The following RYR2 variants were observed in gnomAD, a reference collection of about 807,000 sequenced individuals.
RYR2 encodes cardiac muscle ryanodine receptor-calcium release channel.
A neutral mutation model predicts 601.1 loss-of-function variants in RYR2; 227 were observed. The observed-to-expected ratio is 0.38, with a 90% confidence interval of 0.34 to 0.42. The LOEUF is 0.42. Among genes scored for constraint, RYR2 ranks in the 10% least tolerant of loss-of-function variants. The pLI is 1.00. For missense variants in RYR2, 4,646 were observed against 6,156.5 expected (o/e 0.75, Z 8.21); for synonymous variants, 2,223 against 2,175.1 (o/e 1.02, Z -0.61).
chr1:237,724,626 A>G (rs58583229), intron 74 of RYR2, among the ~76,000 whole-genome samples: 1 of 152,100 alleles, frequency 6.6e-6, no homozygotes, highest in African/African-American at 2.4e-5. Context: ...ATATTAAATA[A>G]ATACAAATTA....
In RYR2 at chr1:237,614,097, A is replaced by G; in HGVS notation, c.4969A>G (p.Thr1657Ala). Residue 1657 changes from threonine to alanine, a missense_variant, in exon 37 of 105, where the codon ACT becomes GCT. Physicochemically the swap from Thr to Ala is moderately conservative, Grantham distance 58. This residue lies in a region of RYR2 where 1,807 missense variants were observed against 2,088.1 expected (regional missense o/e 0.87). Transcript: ENST00000366574. The surrounding 1 kb of genome is among the most constrained non-coding windows in gnomAD (Gnocchi z 4.3). ...QEELLKFHYH[T>A]LRLYSAVCAL... ...GGAATTGCTGAAATTTCACTATCAC[A>G]CTCTCCGGCTCTACTCAGCCGTCTG... 2 of 1,613,460 alleles carry G rather than the reference A, an allele frequency of 1.2e-6. No homozygotes were observed. Among genetic ancestry groups the G allele is most frequent in the Non-Finnish European group, 1.7e-6 (2 of 1,179,782 alleles).
chr1:237,066,870 C>T (rs1663695851), intron 1 of RYR2, among the ~76,000 whole-genome samples: 1 of 152,092 alleles, frequency 6.6e-6, no homozygotes, highest in Non-Finnish European at 1.5e-5. Context: ...ATCTCCTGAC[C>T]TCGCAATCCG....
intron 17 of RYR2, among the ~76,000 whole-genome samples, chr1:237,483,494 ACTAGGCACAT>A (rs1240288722): frequency 6.6e-6 from 1 of 152,146 alleles, no homozygotes; most frequent in Admixed American, 6.5e-5. Context: ...AGGACACAAA[ACTAGGCACAT>A]CGGCTTACAT....
intron 1 of RYR2, among the ~76,000 whole-genome samples, chr1:237,192,312 G>A (rs1374298935): frequency 6.6e-6 from 1 of 152,080 alleles, no homozygotes; most frequent in Admixed American, 6.6e-5. Context: ...GGGTTCAAGC[G>A]ATTCTCCTGC....
intron 1 of RYR2, chr1:237,267,642 C>T (rs1245813101): frequency 7.1e-6 from 2 of 280,724 alleles, no homozygotes; most frequent in South Asian, 2.7e-5. Context: ...AAGTGTGGCT[C>T]ATATTGAGAG....
At chr1:237,045,578 T>G (rs1233834547) in intron 1 of RYR2, among the ~76,000 whole-genome samples, 1 of 152,218 alleles carries the variant, frequency 6.6e-6, no homozygotes, top group Admixed American at 6.5e-5. Flanking sequence ...CTGGATATGC[T>G]GGGACACTTA....
intron 1 of RYR2, among the ~76,000 whole-genome samples, chr1:237,256,965 C>CA (rs1259631044): frequency 6.6e-6 from 1 of 152,178 alleles, no homozygotes; most frequent in Non-Finnish European, 1.5e-5. Context: ...CTCCTCCATT[C>CA]AAACCAATTT....
intron 29 of RYR2, among the ~76,000 whole-genome samples, chr1:237,580,970 A>G (rs1203299210): frequency 2.0e-5 from 3 of 152,152 alleles, no homozygotes; most frequent in Admixed American, 2.0e-4. Context: ...GGTTTAAGTC[A>G]CTCAGTCTGT....
At chr1:237,800,245 G>A (rs1659802955) in intron 97 of RYR2, among the ~76,000 whole-genome samples, 1 of 152,082 alleles carries the variant, frequency 6.6e-6, no homozygotes, top group Admixed American at 6.5e-5. Flanking sequence ...TTGCTTTAAT[G>A]TAAAATAATT....
chr1:237,313,679 T>G (rs1376939545), intron 2 of RYR2, among the ~76,000 whole-genome samples: 1 of 152,244 alleles, frequency 6.6e-6, no homozygotes, highest in Non-Finnish European at 1.5e-5. Flanking sequence ...AAGCCACTGT[T>G]CATGGTAACT....
In RYR2 at chr1:237,383,820, C is replaced by T. The variant is rs1218469338; in HGVS notation, c.577-3461C>T. ...ACTAGTCCTGGGATCAAAGTGAGAC[C>T]CGGGTGCCCAGAGATTGGTGCCCAA... On this transcript the variant is annotated intron_variant, in intron 8 of 104. Transcript: ENST00000366574. Among the ~76,000 whole-genome samples the T allele has an allele frequency of 2.0e-5, 3 of 152,030 alleles. No individual in the cohort carries two copies. In the East Asian group the frequency reaches 5.8e-4, roughly 29 times the overall value.
chr1:237,418,256 A>G (rs1705211259), intron 11 of RYR2, among the ~76,000 whole-genome samples: 1 of 152,050 alleles, frequency 6.6e-6, no homozygotes, highest in South Asian at 2.1e-4. Flanking sequence ...GTTAGCCAGG[A>G]TGGTCTCGAT....
chr1:237,508,781 C>A (rs1336676318), intron 23 of RYR2, among the ~76,000 whole-genome samples: 5 of 125,878 alleles, frequency 4.0e-5, no homozygotes, highest in African/African-American at 1.3e-4. Flanking sequence ...CTTGCTCTGT[C>A]GCCCAGGCTG....
intron 1 of RYR2, among the ~76,000 whole-genome samples, chr1:237,213,859 T>C (rs532981497): frequency 4.0e-5 from 6 of 151,566 alleles, no homozygotes; most frequent in South Asian, 4.2e-4. Context: ...AATTTTTTTT[T>C]CCCCAAGTTG....
chr1:237,433,344 C>T (rs1417346954), intron 12 of RYR2, among the ~76,000 whole-genome samples: 3 of 43,634 alleles, frequency 6.9e-5, no homozygotes, highest in East Asian at 0.021. Flanking sequence ...ATTGATAGTG[C>T]TGATTATATT....
At chr1:237,534,297 TA>T (rs1321012913) in intron 25 of RYR2, among the ~76,000 whole-genome samples, 3 of 151,970 alleles carry the variant, frequency 2.0e-5, no homozygotes, top group African/African-American at 4.8e-5. Flanking sequence ...ATACACCAAG[TA>T]AAACAGCTTC....
chr1:237,192,285 T>C (rs888992020), intron 1 of RYR2, among the ~76,000 whole-genome samples: 3 of 152,192 alleles, frequency 2.0e-5, no homozygotes, highest in Non-Finnish European at 2.9e-5. Context: ...CTTGGTTCAC[T>C]GCAACCTCCG....
rs769728229 is a variant in RYR2, at chr1:237,660,067, C to G, written c.8291C>G (p.Ser2764Cys). 1 of 1,524,820 alleles carries G rather than the reference C, an allele frequency of 6.6e-7. No homozygotes were observed. The highest frequency in any genetic ancestry group is 2.4e-5 in the East Asian group (1 of 41,020). The allele number at this position is 1,524,820 out of a possible 1,614,324, so 94.5% of individuals were successfully genotyped here. The stretch of plus-strand genomic sequence containing the variant: ...TTAATGAAGCCATATAAGCTATTGT[C>G]TGAAAAGGTAAGGATTTTTTGTTTG... Reference protein sequence around the residue: ...QPLMKPYKLLSEKEKEIYRWP... With the variant: ...QPLMKPYKLLCEKEKEIYRWP... Residue 2764 changes from serine (S) to cysteine (C), a missense_variant, in exon 55 of 105, where the codon TCT becomes TGT. By Grantham distance (112) the Ser-to-Cys change is moderately radical. Coordinates refer to ENST00000366574, the MANE Select transcript of RYR2 (RefSeq NM_001035.3).
At chr1:237,597,812 G>A (rs2148487759) in intron 34 of RYR2, among the ~76,000 whole-genome samples, 1 of 152,146 alleles carries the variant, frequency 6.6e-6, no homozygotes, top group African/African-American at 2.4e-5. Context: ...CAAAATATTA[G>A]GAATAATTCC....
Sources: allele counts gnomAD v4.1 joint callset (sites outside exome capture counted in the v4.1 genomes callset), GRCh38; gene constraint gnomAD v4.1.1; regional missense constraint gnomAD v4.1.1; non-coding constraint Gnocchi (gnomAD v3.1); transcripts MANE v1.5; gene names NCBI Gene and HGNC (gene_info 2026-07-23, HGNC 2026-07-21).